The following QTMAN variants were observed in gnomAD, a reference collection of about 807,000 sequenced individuals.
QTMAN encodes tRNA-queuosine alpha-mannosyltransferase.
chr2:144,029,351 A>C, the QTMAN span, among the ~76,000 whole-genome samples: 1 of 152,136 alleles, frequency 6.6e-6, no homozygotes, highest in Non-Finnish European at 1.5e-5. Context: ...TCTTATATTT[A>C]TTTTTATGTC....
the QTMAN span, among the ~76,000 whole-genome samples, chr2:144,082,081 G>A: frequency 2.0e-5 from 3 of 152,022 alleles, no homozygotes; most frequent in Non-Finnish European, 2.9e-5. Context: ...TTGTAAGGAC[G>A]AGGTTTTGCC....
At chr2:144,258,278 A>G in the QTMAN span, among the ~76,000 whole-genome samples, 3 of 152,010 alleles carry the variant, frequency 2.0e-5, no homozygotes, top group African/African-American at 7.2e-5. Flanking sequence ...AAAAAAGGAA[A>G]GATATAATAA....
chr2:144,023,916 T>C, the QTMAN span, among the ~76,000 whole-genome samples: 1 of 152,230 alleles, frequency 6.6e-6, no homozygotes, highest in Admixed American at 6.5e-5. Context: ...GCATGGGCTA[T>C]CTTAAAGTAT....
At chr2:144,023,283 C>A in the QTMAN span, among the ~76,000 whole-genome samples, 1 of 151,646 alleles carries the variant, frequency 6.6e-6, no homozygotes, top group African/African-American at 2.4e-5. Flanking sequence ...AGGTTTGAAT[C>A]CAGGTTTTAT....
At chr2:144,161,144 C>T in the QTMAN span, among the ~76,000 whole-genome samples, 1 of 152,134 alleles carries the variant, frequency 6.6e-6, no homozygotes, top group Admixed American at 6.6e-5. Context: ...GATGGTTAAA[C>T]AGACACTCCA....
the QTMAN span, among the ~76,000 whole-genome samples, chr2:144,224,443 C>G: frequency 6.6e-6 from 1 of 152,098 alleles, no homozygotes; most frequent in South Asian, 2.1e-4. Context: ...AAATGGGACT[C>G]TTATCACAAA....
chr2:144,011,808 G>A, the QTMAN span: 2 of 902,116 alleles, frequency 2.2e-6, no homozygotes, highest in African/African-American at 1.8e-5. Context: ...CAACTCTGGT[G>A]GAGGTGCTAA....
the QTMAN span, among the ~76,000 whole-genome samples, chr2:144,022,872 T>G: frequency 1.3e-5 from 2 of 152,162 alleles, no homozygotes; most frequent in African/African-American, 4.8e-5. Context: ...TTATCAATTC[T>G]CTCTTTATCA....
At chr2:143,977,496 G>A in the QTMAN span, among the ~76,000 whole-genome samples, 16 of 152,094 alleles carry the variant, frequency 1.1e-4, no homozygotes, top group East Asian at 3.9e-4. Context: ...CAGAGTGAAT[G>A]TCTGAGTCTA....
At chr2:144,161,969 C>T in the QTMAN span, among the ~76,000 whole-genome samples, 1 of 152,178 alleles carries the variant, frequency 6.6e-6, no homozygotes, top group Non-Finnish European at 1.5e-5. Context: ...AACCTAGACA[C>T]AACATGCCTT....
chr2:144,298,652 C>G, the QTMAN span, among the ~76,000 whole-genome samples: 1 of 152,212 alleles, frequency 6.6e-6, no homozygotes, highest in African/African-American at 2.4e-5. Context: ...CTCATCTCAC[C>G]AAATTTCTCT....
chr2:144,115,323 G>C, the QTMAN span, among the ~76,000 whole-genome samples: 1 of 152,156 alleles, frequency 6.6e-6, no homozygotes. Flanking sequence ...AGAATGCTCT[G>C]GCTAAGTTTA....
chr2:144,084,285 G>C, the QTMAN span, among the ~76,000 whole-genome samples: 6 of 152,140 alleles, frequency 3.9e-5, no homozygotes, highest in South Asian at 1.2e-3. Context: ...TTTTGCTTTG[G>C]TTAGCCATGT....
chr2:144,319,559 TTA>T, the QTMAN span, among the ~76,000 whole-genome samples: 4 of 150,822 alleles, frequency 2.7e-5, no homozygotes, highest in Non-Finnish European at 4.4e-5. Context: ...TTTTTTTCAT[TTA>T]TATATATATA....
the QTMAN span, among the ~76,000 whole-genome samples, chr2:144,290,786 T>TC: frequency 6.6e-6 from 1 of 152,212 alleles, no homozygotes; most frequent in Non-Finnish European, 1.5e-5. Context: ...TTTATCTGCT[T>TC]CTTAGTGAGG....
the QTMAN span, among the ~76,000 whole-genome samples, chr2:144,113,285 T>C: frequency 1.3e-5 from 2 of 151,106 alleles, no homozygotes; most frequent in South Asian, 2.1e-4. Flanking sequence ...ACAAACCAAA[T>C]AGAAATTTTA....
At chr2:144,326,624 C>G in the QTMAN span, among the ~76,000 whole-genome samples, 1 of 150,390 alleles carries the variant, frequency 6.6e-6, no homozygotes, top group East Asian at 1.9e-4. Context: ...CTCTCCAGTA[C>G]TAACGATGGC....
At chr2:143,988,830 G>A in the QTMAN span, among the ~76,000 whole-genome samples, 2 of 152,224 alleles carry the variant, frequency 1.3e-5, no homozygotes, top group Non-Finnish European at 2.9e-5. Flanking sequence ...CTGAATGAGT[G>A]AATGGTTATG....
the QTMAN span, among the ~76,000 whole-genome samples, chr2:144,133,835 T>C: frequency 6.6e-6 from 1 of 151,858 alleles, no homozygotes; most frequent in Non-Finnish European, 1.5e-5. Flanking sequence ...AAATAATTGT[T>C]AGCAAATATG....
Sources: gnomAD v4.1 joint callset for allele counts (sites outside exome capture counted in the v4.1 genomes callset) on GRCh38, gnomAD v4.1.1 for gene constraint, MANE v1.5 for transcripts, NCBI Gene and HGNC (gene_info 2026-07-23, HGNC 2026-07-21) for gene names.